LRAT: variants seen among roughly 807,000 people sequenced by gnomAD.
LRAT encodes lecithin retinol acyltransferase.
Under a neutral mutation model 14.2 loss-of-function variants are expected in LRAT, and 11 were observed. The observed-to-expected ratio is 0.78, with a 90% CI of 0.49 to 1.29. The LOEUF (loss-of-function observed/expected upper bound fraction) is 1.29, where lower values mean the gene tolerates loss of function less well. Among genes scored for constraint, LRAT ranks in the 50% most tolerant of loss-of-function variants. LRAT has a pLI of 0.00. For missense variants in LRAT, 274 were observed against 292.4 expected (o/e 0.94, Z 0.46); for synonymous variants, 144 against 124.8 (o/e 1.15, Z -1.03).
rs1560871058 is a variant in LRAT at position 154,744,728 on chromosome 4, G to T, written c.402G>T (p.Lys134Asn). 6.2e-7 allele frequency: 1 copy of T among 1,614,200 alleles called. No homozygotes were observed. The highest frequency in any genetic ancestry group is 2.2e-5 in the East Asian group (1 of 44,872). The part of the protein sequence containing the change: ...VNHLDESLQK[K>N]ALLNEEVARR... ...ACCTGGACGAGTCCCTCCAGAAAAA[G>T]GCACTGCTCAACGAGGAGGTGGCGC... Residue 134 changes from lysine to asparagine, a missense_variant, in exon 2 of 3, where the codon AAG becomes AAT. By Grantham distance (94) the Lys-to-Asn change is moderately conservative. Transcript: ENST00000336356.
chr4:154,744,841 C>A lies in LRAT; in HGVS notation c.515C>A (p.Thr172Asn), dbSNP rs1282013213. 6 of 1,613,680 alleles carry A rather than the reference C, an allele frequency of 3.7e-6. No individual in the cohort carries two copies. Among genetic ancestry groups the A allele is most frequent in the Non-Finnish European group, 5.1e-6 (6 of 1,180,002 alleles). The change falls in exon 2 of 3, where the codon ACC (threonine) becomes AAC (asparagine). Residue 172 changes from threonine to asparagine, a missense_variant. Thr to Asn is a moderately conservative substitution (Grantham distance 65). Transcript: ENST00000336356. ...TTCGTGACCTACTGCAGATATGGCA[C>A]CCCGATCAGTCCCCAGTCCGACAAG... The part of the protein sequence containing the change: ...EHFVTYCRYG[T>N]PISPQSDKFC...
At chr4:154,743,317 A>G (rs533069682), upstream of LRAT, among the ~76,000 whole-genome samples, 2 of 151,982 alleles carry the variant, frequency 1.3e-5, no homozygotes, top group South Asian at 2.1e-4. Context: ...CCTGGCCAAC[A>G]TGGTGAGACC....
At chr4:154,742,969 T>C (rs553548452), upstream of LRAT, among the ~76,000 whole-genome samples, 7 of 152,106 alleles carry the variant, frequency 4.6e-5, no homozygotes, top group South Asian at 1.5e-3. Context: ...TTAACATGAA[T>C]CTTGCTTTCC....
At chr4:154,748,486 T>C in intron 2 of LRAT, 1 of 715,858 alleles carries the variant, frequency 1.4e-6, no homozygotes, top group Admixed American at 5.7e-5. Flanking sequence ...GATTTGACAA[T>C]AAAATTAGAC....
At chr4:154,742,108 T>C (rs1732779272), upstream of LRAT, among the ~76,000 whole-genome samples, 5 of 152,288 alleles carry the variant, frequency 3.3e-5, no homozygotes, top group South Asian at 1.0e-3. Context: ...CCCCCGATTT[T>C]AGCGAAGGGT....
Position 154,747,303 on chromosome 4 carries a change from C to A in LRAT, c.541-1681C>A, listed in dbSNP as rs903190850. Among the ~76,000 whole-genome samples, 3 of 152,196 alleles carry A rather than the reference C, an allele frequency of 2.0e-5. No homozygotes were observed. In the South Asian group the frequency reaches 6.2e-4, roughly 32 times the overall value. On this transcript the variant is annotated intron_variant, in intron 2 of 2. Transcript: ENST00000336356. ...AATGGGATTTTTATAATACTGTTGA[C>A]AATCAGTATTTTGTAAACTAAAAAT...
At chr4:154,740,983 A>G (rs910043758), upstream of LRAT, 1 of 152,190 alleles carries the variant, frequency 6.6e-6, no homozygotes, top group Non-Finnish European at 1.5e-5. Context: ...TTCCACCTAC[A>G]GCTATAGTCT....
rs1732969268 is a variant in LRAT at position 154,750,507 on chromosome 4, G to A, written c.*1371G>A. ...ATCACAAAATAACAAATCATATTATGAGTGAATATGGGGAGGGCGGGGCCA... is the reference window on the plus strand; with the variant it reads ...ATCACAAAATAACAAATCATATTATAAGTGAATATGGGGAGGGCGGGGCCA... On this transcript the variant is annotated 3_prime_UTR_variant, in exon 3 of 3. Transcript: ENST00000336356. 1 of 152,110 alleles carries A rather than the reference G, an allele frequency of 6.6e-6. No homozygotes were observed. The highest frequency in any genetic ancestry group is 1.5e-5 in the Non-Finnish European group (1 of 67,988). The allele number at this position is 152,110 out of a possible 1,614,324, so 9.4% of individuals were successfully genotyped here.
Position 154,744,717 on chromosome 4 carries a change from C to T in LRAT, c.391C>T (p.Leu131Phe), listed in dbSNP as rs748964060. The change falls in exon 2 of 3, where the codon CTC becomes TTC. Residue 131 changes from leucine to phenylalanine, a missense_variant. Leu to Phe is a conservative substitution (Grantham distance 22). Coordinates refer to ENST00000336356, the MANE Select transcript of LRAT (RefSeq NM_004744.5). ...CCTGGTCAATCACCTGGACGAGTCC[C>T]TCCAGAAAAAGGCACTGCTCAACGA... ...NILVNHLDES[L>F]QKKALLNEEV... The T allele has an allele frequency of 1.1e-5, 18 of 1,614,100 alleles. No homozygotes were observed. In the South Asian group the frequency reaches 2.0e-4, roughly 18 times the overall value.
rs928288762 is a variant in LRAT, at chr4:154,750,784, T to A, written c.*1648T>A. The A allele has an allele frequency of 1.3e-5, 2 of 152,212 alleles. No homozygotes were observed. The highest frequency in any genetic ancestry group is 4.8e-5 in the African/African-American group (2 of 41,452). 9.4% of individuals were successfully genotyped at this position (152,212 alleles called of 1,614,324 possible). ...AAAGCAACCACTATGAGAACTACCG[T>A]GTTAGTGGTTTTTCACTTACTGTAT... On this transcript the variant is annotated 3_prime_UTR_variant, in exon 3 of 3. Coordinates refer to ENST00000336356, the MANE Select transcript of LRAT (RefSeq NM_004744.5).
rs190180367 is a variant in LRAT, at chr4:154,751,056, T to C, written c.*1920T>C. ...AATTCCTTGTTCATTTGAGTGTTCA[T>C]TATATGCCAGGCATTGACCAGTTGC... is the stretch of plus-strand genomic sequence containing the variant. On this transcript the variant is annotated 3_prime_UTR_variant, in exon 3 of 3. Coordinates refer to ENST00000336356, the MANE Select transcript of LRAT (RefSeq NM_004744.5). The C allele has an allele frequency of 3.3e-5, 5 of 152,208 alleles. No homozygotes were observed. The highest frequency in any genetic ancestry group is 5.9e-5 in the Non-Finnish European group (4 of 68,026). The allele number at this position is 152,208 out of a possible 1,614,324, so 9.4% of individuals were successfully genotyped here.
rs145215771 is a variant in LRAT at position 154,744,860 on chromosome 4, C to T, written c.534C>T (p.Ser178=). 1.7e-5 allele frequency: 27 copies of T among 1,613,028 alleles called. No homozygotes were observed. Among genetic ancestry groups the T allele is most frequent in the Admixed American group, 3.3e-5 (2 of 59,986 alleles). Residue 178 remains serine (S), a synonymous_variant, in exon 2 of 3, where the codon TCC becomes TCT. Coordinates refer to ENST00000336356, the MANE Select transcript of LRAT (RefSeq NM_004744.5). ...CRYGTPISPQ[S]DKFCETVKII... Reference sequence around the variant, plus strand: ...ATGGCACCCCGATCAGTCCCCAGTCCGACAAGGTATGATGTGTGACTCCCA... The same window carrying T: ...ATGGCACCCCGATCAGTCCCCAGTCTGACAAGGTATGATGTGTGACTCCCA...
Position 154,744,360 on chromosome 4 carries a change from C to G in LRAT, c.34C>G (p.Leu12Val). 15 of 1,614,184 alleles carry G rather than the reference C, an allele frequency of 9.3e-6. No homozygotes were observed. The highest frequency in any genetic ancestry group is 1.3e-5 in the Non-Finnish European group (15 of 1,180,034). The change falls in exon 2 of 3, where the codon CTA (leucine) becomes GTA (valine). Residue 12 changes from leucine to valine, a missense_variant. Coordinates refer to ENST00000336356, the MANE Select transcript of LRAT (RefSeq NM_004744.5). ...CCCCATGCTGGAGGTGGTGTCTTTA[C>G]TACTGGAGAAGCTGCTCCTCATCTC... ...KNPMLEVVSL[L>V]LEKLLLISNF...
chr4:154,744,200 G>C lies in LRAT; in HGVS notation c.-24G>C. The C allele has an allele frequency of 1.0e-6, 1 of 995,238 alleles. No individual in the cohort carries two copies. Among genetic ancestry groups the C allele is most frequent in the Non-Finnish European group, 1.6e-6 (1 of 642,088 alleles). 61.7% of individuals were successfully genotyped at this position (995,238 alleles called of 1,614,324 possible). A position where few individuals can be genotyped will look rare whatever the true frequency, so the allele number is the denominator to read the frequency against. On this transcript the variant is annotated 5_prime_UTR_variant, in exon 1 of 3. Coordinates refer to ENST00000336356, the MANE Select transcript of LRAT (RefSeq NM_004744.5). ...TCTCTCCTCAGCGGCCGTACTTTGCGCCGTACCTCACCTGGCCTGCAGGTG... is the reference window on the plus strand; with the variant it reads ...TCTCTCCTCAGCGGCCGTACTTTGCCCCGTACCTCACCTGGCCTGCAGGTG...
intron 2 of LRAT, among the ~76,000 whole-genome samples, chr4:154,746,458 T>A (rs924974935): frequency 2.6e-5 from 4 of 152,156 alleles, no homozygotes; most frequent in African/African-American, 9.7e-5. Flanking sequence ...GGAATTCTTT[T>A]CCAAGTAAAA....
rs750320381 is a variant in LRAT at position 154,752,580 on chromosome 4, A to G, written c.*3444A>G. On this transcript the variant is annotated 3_prime_UTR_variant, in exon 3 of 3. Transcript: ENST00000336356. ...TTTAAAGGACTAGCTAAGATGCTCA[A>G]TCTCTAAAAAAAAAAGGATCTGTAT... 1.4e-4 allele frequency: 22 copies of G among 152,180 alleles called. No homozygotes were observed. Among genetic ancestry groups the G allele is most frequent in the Non-Finnish European group, 2.6e-4 (18 of 68,022 alleles). 9.4% of individuals were successfully genotyped at this position (152,180 alleles called of 1,614,324 possible). A position where few individuals can be genotyped will look rare whatever the true frequency, so the allele number is the denominator to read the frequency against.
upstream of LRAT, among the ~76,000 whole-genome samples, chr4:154,743,130 C>CCCCCA (rs1732800296): frequency 2.1e-5 from 2 of 93,380 alleles, 1 homozygote; most frequent in Admixed American, 1.9e-4. Context: ...CCCCAACCCC[C>CCCCCA]CCCCCCCCGC....
chr4:154,741,293 C>T (rs1274981652), upstream of LRAT, among the ~76,000 whole-genome samples: 2 of 152,048 alleles, frequency 1.3e-5, no homozygotes, highest in East Asian at 3.9e-4. Flanking sequence ...AACCGCTTCC[C>T]GCATAAGAGT....
chr4:154,745,836 AAT>A (rs1195989745), intron 2 of LRAT, among the ~76,000 whole-genome samples: 1 of 151,988 alleles, frequency 6.6e-6, no homozygotes, highest in East Asian at 1.9e-4. Context: ...TGGTATTCTG[AAT>A]TCTTTCTGGG....
Sources: gnomAD v4.1 joint callset for allele counts (sites outside exome capture counted in the v4.1 genomes callset) on GRCh38, gnomAD v4.1.1 for gene constraint, MANE v1.5 for transcripts, NCBI Gene and HGNC (gene_info 2026-07-23, HGNC 2026-07-21) for gene names.